MTOR: variants seen among roughly 807,000 people sequenced by gnomAD.
MTOR encodes the protein mechanistic target of rapamycin kinase.
A neutral mutation model predicts 319.8 loss-of-function variants in MTOR; 70 were observed. That is an observed-to-expected ratio of 0.22 (90% confidence interval 0.18 to 0.27). The LOEUF is 0.27. Among genes scored for constraint, MTOR ranks in the 10% least tolerant of loss-of-function variants. The probability of loss-of-function intolerance (pLI) is 1.00; values close to 1 mark genes in which losing one functional copy is unlikely to be tolerated. For synonymous variants in MTOR, 1,183 were observed against 1,211.4 expected, an observed-to-expected ratio of 0.98 and a Z score of 0.49; for missense variants, 1,890 against 3,274.4, an observed-to-expected ratio of 0.58 and a Z score of 10.32.
At chr1:11,223,471 G>C (rs1646733696) in intron 19 of MTOR, among the ~76,000 whole-genome samples, 1 of 152,034 alleles carries the variant, frequency 6.6e-6, no homozygotes, top group South Asian at 2.1e-4. Context: ...CATGTGTCGG[G>C]GGGAAAGGCG....
At chr1:11,238,369 T>A in intron 12 of MTOR, 33 bp downstream of exon 12, 6 of 1,607,746 alleles carry the variant, frequency 3.7e-6, no homozygotes, top group Non-Finnish European at 5.1e-6. Flanking sequence ...GCTCCTTAAC[T>A]CCCCTAGATT....
intron 28 of MTOR, among the ~76,000 whole-genome samples, chr1:11,179,425 G>GTTAT (rs1557809938): frequency 2.6e-5 from 4 of 152,220 alleles, no homozygotes; most frequent in African/African-American, 9.7e-5. Context: ...GTAGTCTGAA[G>GTTAT]GATAAGCTAG....
At chr1:11,168,733 C>G (rs1199487254) in intron 28 of MTOR, among the ~76,000 whole-genome samples, 3 of 152,226 alleles carry the variant, frequency 2.0e-5, no homozygotes, top group African/African-American at 7.2e-5. Flanking sequence ...GGCAGTGCCA[C>G]TGGGAGGCCT....
chr1:11,216,194 T>C lies in MTOR; in HGVS notation c.3071A>G (p.Lys1024Arg). The C allele has an allele frequency of 1.2e-6, 2 of 1,614,090 alleles. No homozygotes were observed. The highest frequency in any genetic ancestry group is 1.7e-6 in the Non-Finnish European group (2 of 1,179,950). Residue 1024 changes from lysine (K) to arginine (R), a missense_variant, in exon 20 of 58, where the codon AAG (lysine) becomes AGG (arginine). Lys to Arg is a conservative substitution (Grantham distance 26). This residue lies in a region of MTOR where 377 missense variants were observed against 653.9 expected (regional missense o/e 0.58). Transcript: ENST00000361445. Reference protein sequence around the residue: ...QQLGMLVSFVKSHIRPYMDEI... With the variant: ...QQLGMLVSFVRSHIRPYMDEI... The stretch of plus-strand genomic sequence containing the variant: ...ATCCATATAAGGTCTGATGTGGCTC[T>C]TCACAAAGGACACCAACATTCCCAG...
chr1:11,113,606 ATTTTTTAT>A (rs1032388178), intron 53 of MTOR, among the ~76,000 whole-genome samples: 11 of 152,020 alleles, frequency 7.2e-5, no homozygotes, highest in Non-Finnish European at 1.6e-4. Context: ...TTAAAATTAA[ATTTTTTAT>A]TTTTTTATTT....
intron 20 of MTOR, 92 bp from the exon 21 acceptor site, chr1:11,213,658 G>A: frequency 8.0e-7 from 1 of 1,243,270 alleles, no homozygotes; most frequent in Non-Finnish European, 1.1e-6. Context: ...AAGCAAAACT[G>A]TAGTGAGCAT....
chr1:11,231,047 C>T lies in MTOR; in HGVS notation c.2657G>A (p.Arg886His), dbSNP rs376873727. 1.2e-5 allele frequency: 20 copies of T among 1,614,106 alleles called. No individual in the cohort carries two copies. Among genetic ancestry groups the T allele is most frequent in the African/African-American group, 9.3e-5 (7 of 75,014 alleles). Reference sequence around the variant, plus strand: ...CAAAGCCCCTAAAAGCCCTAACACACGGATGGCCTGCGTGGGAAAGGGGAG... The same window carrying T: ...CAAAGCCCCTAAAAGCCCTAACACATGGATGGCCTGCGTGGGAAAGGGGAG... ...QNQGTRREAI[R>H]VLGLLGALDP... Residue 886 changes from arginine to histidine, a missense_variant, in exon 18 of 58, where the codon CGT becomes CAT. Arg to His is a conservative substitution (Grantham distance 29, BLOSUM62 0). Transcript: ENST00000361445.
Position 11,128,583 on chromosome 1 carries a change from T to A in MTOR, c.5812-31A>T. 1 of 1,589,380 alleles carries A rather than the reference T, an allele frequency of 6.3e-7. No homozygotes were observed. The highest frequency in any genetic ancestry group is 1.3e-5 in the African/African-American group (1 of 74,564). On this transcript the variant is annotated intron_variant, in intron 41 of 57. Coordinates refer to ENST00000361445, the MANE Select transcript of MTOR (RefSeq NM_004958.4). The surrounding 1 kb of genome is among the most constrained non-coding windows in gnomAD (Gnocchi z 5.3). ...ATTCAAAAAGACACAGTATGTAGCA[T>A]ATGAGACTTGAAACAACTAGTTATT... is the stretch of plus-strand genomic sequence containing the variant.
chr1:11,237,964 A>G lies in MTOR; in HGVS notation c.2087T>C (p.Leu696Ser), dbSNP rs1193475214. The G allele has an allele frequency of 6.2e-7, 1 of 1,614,030 alleles. No individual in the cohort carries two copies. The highest frequency in any genetic ancestry group is 1.7e-5 in the Admixed American group (1 of 59,982). ...CACCTGGTCATTCAGAGCCACAAAC[A>G]AGGCCTGCAAGTTCTCCGCCTGGGC... is the stretch of plus-strand genomic sequence containing the variant. ...HLAQAENLQALFVALNDQVFE... is the reference protein window; with the variant it reads ...HLAQAENLQASFVALNDQVFE... Residue 696 changes from leucine (L) to serine (S), a missense_variant, in exon 13 of 58, where the codon TTG (leucine) becomes TCG (serine). By Grantham distance (145) the Leu-to-Ser change is moderately radical. Around this residue, in one of 15 missense-constraint regions of MTOR, gnomAD observed 377 missense variants for 653.9 expected, o/e 0.58. Transcript: ENST00000361445.
intron 28 of MTOR, among the ~76,000 whole-genome samples, chr1:11,171,670 C>G (rs746816453): frequency 6.6e-6 from 1 of 152,148 alleles, no homozygotes; most frequent in East Asian, 1.9e-4. Flanking sequence ...CCTTGATATA[C>G]CACCTCTAAG....
Position 11,146,693 on chromosome 1 carries a change from A to T in MTOR, c.4669T>A (p.Phe1557Ile). The T allele has an allele frequency of 1.2e-6, 2 of 1,614,080 alleles. No individual in the cohort carries two copies. The highest frequency in any genetic ancestry group is 1.7e-6 in the Non-Finnish European group (2 of 1,179,952). Reference sequence around the variant, plus strand: ...GTTTTTACCTGTTGTGCCAAGGAGAAGAGGTCCTGATGCAGTGCCAGCACA... The same window carrying T: ...GTTTTTACCTGTTGTGCCAAGGAGATGAGGTCCTGATGCAGTGCCAGCACA... ...RAVLALHQDL[F>I]SLAQQCIDKA... Residue 1557 changes from phenylalanine to isoleucine, a missense_variant, in exon 32 of 58, where the codon TTC (phenylalanine) becomes ATC (isoleucine). Phe to Ile is a conservative substitution (Grantham distance 21). Transcript: ENST00000361445.
Position 11,255,974 on chromosome 1 carries a change from A to G in MTOR, c.705+18T>C, listed in dbSNP as rs1163803081. On this transcript the variant is annotated intron_variant, in intron 5 of 57. Coordinates refer to ENST00000361445, the MANE Select transcript of MTOR (RefSeq NM_004958.4). ...CAGATGTGCTTTGCTAGTGGTGGGA[A>G]TGGAGCCATCTCCTTACCCTGTACC... 1 of 1,607,460 alleles carries G rather than the reference A, an allele frequency of 6.2e-7. No individual in the cohort carries two copies. Among genetic ancestry groups the G allele is most frequent in the African/African-American group, 1.3e-5 (1 of 74,890 alleles).
At chr1:11,185,202 G>C (rs1645275224) in intron 28 of MTOR, among the ~76,000 whole-genome samples, 2 of 151,846 alleles carry the variant, frequency 1.3e-5, no homozygotes, top group Admixed American at 1.3e-4. Flanking sequence ...TGTGCAACTT[G>C]AGTGGAGGCT....
intron 49 of MTOR, among the ~76,000 whole-genome samples, chr1:11,119,665 C>G (rs1642398534): frequency 7.1e-6 from 1 of 141,716 alleles, no homozygotes; most frequent in Non-Finnish European, 1.5e-5. Flanking sequence ...AGAATCACTT[C>G]AACCTGGGAG....
In MTOR at chr1:11,193,768, G is replaced by T. The variant is rs1382792427; in HGVS notation, c.4253+5490C>A. ...GACAGCCAACCCGGCTGCGTGTAGA[G>T]ATGGAGGTAAGCACAAGGCCAGGGG... On this transcript the variant is annotated intron_variant, in intron 28 of 57. Transcript: ENST00000361445. The T allele has an allele frequency of 1.2e-6, 2 of 1,613,940 alleles. No homozygotes were observed. Among genetic ancestry groups the T allele is most frequent in the African/African-American group, 2.7e-5 (2 of 74,972 alleles).
At chr1:11,242,694 C>T (rs1010953655) in intron 9 of MTOR, among the ~76,000 whole-genome samples, 1 of 152,084 alleles carries the variant, frequency 6.6e-6, no homozygotes, top group Non-Finnish European at 1.5e-5. Flanking sequence ...ATTTTATTCG[C>T]CAGGAGGTTT....
chr1:11,209,268 G>A (rs1268052789), intron 25 of MTOR, 44 bp downstream of exon 25: 3 of 1,613,160 alleles, frequency 1.9e-6, no homozygotes, highest in African/African-American at 2.7e-5. Flanking sequence ...TAAGTGAGAA[G>A]AGCAGAGCTC....
intron 38 of MTOR, chr1:11,131,952 T>C (rs545937535): frequency 6.6e-6 from 1 of 152,338 alleles, no homozygotes; most frequent in South Asian, 2.1e-4. Context: ...CAGGTTTCAG[T>C]TTTCCCATAC....
intron 11 of MTOR, 63 bp downstream of exon 11, chr1:11,240,240 A>C: frequency 6.6e-7 from 1 of 1,509,714 alleles, no homozygotes; most frequent in South Asian, 1.4e-5. Flanking sequence ...AGATACCTTC[A>C]TTCCTTTCCC....
Sources: allele counts gnomAD v4.1 joint callset (sites outside exome capture counted in the v4.1 genomes callset), GRCh38; gene constraint gnomAD v4.1.1; regional missense constraint gnomAD v4.1.1; non-coding constraint Gnocchi (gnomAD v3.1); transcripts MANE v1.5; gene names NCBI Gene and HGNC (gene_info 2026-07-23, HGNC 2026-07-21).